The following FAM200B variants were observed in gnomAD, a reference collection of about 807,000 sequenced individuals.
FAM200B encodes the protein zinc finger BED-type containing 11.
A neutral mutation model predicts 33.1 loss-of-function variants in FAM200B; 32 were observed. The ratio of observed to expected loss-of-function variants is 0.97; its 90% CI spans 0.73 to 1.30. The LOEUF (loss-of-function observed/expected upper bound fraction) is 1.30, where lower values mean the gene tolerates loss of function less well. Ranked by LOEUF, FAM200B falls within the 50% of genes most tolerant of loss-of-function variation. The probability of loss-of-function intolerance (pLI) is 0.00; values close to 1 mark genes in which losing one functional copy is unlikely to be tolerated. For missense variants in FAM200B, 741 were observed against 754.0 expected, an observed-to-expected ratio of 0.98 and a Z score of 0.20; for synonymous variants, 240 against 264.8, an observed-to-expected ratio of 0.91 and a Z score of 0.91.
chr4:15,680,621 A>T (rs1560256879), upstream of FAM200B, among the ~76,000 whole-genome samples: 1 of 152,136 alleles, frequency 6.6e-6, no homozygotes, highest in Admixed American at 6.5e-5. Context: ...GGTTGCAGTG[A>T]GCCGAGGCTG....
At chr4:15,641,708 G>A in the FAM200B span, 5 of 433,082 alleles carry the variant, frequency 1.2e-5, no homozygotes, top group South Asian at 8.3e-5. Flanking sequence ...TAATCCCCAT[G>A]TTGTTCAAGG....
chr4:15,683,983 C>T (rs555758396), intron 1 of FAM200B, among the ~76,000 whole-genome samples: 6 of 152,256 alleles, frequency 3.9e-5, no homozygotes, highest in Non-Finnish European at 5.9e-5. Flanking sequence ...ATCATATAAC[C>T]GTGTTAATGC....
chr4:15,638,586 T>C, the FAM200B span: 5 of 1,613,478 alleles, frequency 3.1e-6, no homozygotes, highest in African/African-American at 1.3e-5. Flanking sequence ...CTAAGACCTC[T>C]AAGGAGTTCT....
intron 1 of FAM200B, chr4:15,682,170 C>G (rs1718358017): frequency 6.6e-6 from 1 of 152,270 alleles, no homozygotes; most frequent in African/African-American, 2.4e-5. Context: ...ATGTTTTAAT[C>G]TAGCTAAAGC....
At chr4:15,645,101 A>C in the FAM200B span, among the ~76,000 whole-genome samples, 1 of 152,138 alleles carries the variant, frequency 6.6e-6, no homozygotes, top group Non-Finnish European at 1.5e-5. Context: ...GGGTAGATGA[A>C]AGGGGAAAAG....
At position 15,688,278 on chromosome 4, in the gene FAM200B, A is replaced by G; in HGVS notation, c.1301A>G (p.Asp434Gly). The change falls in exon 2 of 2, where the codon GAT (aspartate) becomes GGT (glycine). Residue 434 changes from aspartate to glycine, a missense_variant. Coordinates refer to ENST00000422728, the MANE Select transcript of FAM200B (RefSeq NM_001145191.2). ...GTAACAAAATTGGCATATTTAACTG[A>G]TATTTTTAGCATTCTTAATGAACTG... ...TWVTKLAYLTDIFSILNELSL... is the reference protein window; with the variant it reads ...TWVTKLAYLTGIFSILNELSL... 3.9e-6 allele frequency: 6 copies of G among 1,548,564 alleles called. No individual in the cohort carries two copies. The highest frequency in any genetic ancestry group is 5.2e-6 in the Non-Finnish European group (6 of 1,144,358).
At chr4:15,650,460 C>T in the FAM200B span, among the ~76,000 whole-genome samples, 2 of 152,176 alleles carry the variant, frequency 1.3e-5, no homozygotes, top group South Asian at 4.1e-4. Flanking sequence ...AGATTTATGA[C>T]CTACTACTAA....
chr4:15,639,120 C>T, the FAM200B span, among the ~76,000 whole-genome samples: 2 of 152,174 alleles, frequency 1.3e-5, no homozygotes, highest in African/African-American at 2.4e-5. Flanking sequence ...GCCGATATTG[C>T]GCCATTGCAC....
the FAM200B span, among the ~76,000 whole-genome samples, chr4:15,664,795 G>GT: frequency 6.6e-6 from 1 of 151,924 alleles, no homozygotes; most frequent in African/African-American, 2.4e-5. Flanking sequence ...CTGACCTCAG[G>GT]TGATCTGCCC....
chr4:15,690,046 C>T lies in FAM200B; in HGVS notation c.*1095C>T, dbSNP rs959197660. The T allele has an allele frequency of 6.0e-6, 1 of 166,970 alleles. No homozygotes were observed. Among genetic ancestry groups the T allele is most frequent in the Non-Finnish European group, 1.5e-5 (1 of 68,096 alleles). 10.3% of individuals were successfully genotyped at this position (166,970 alleles called of 1,614,324 possible). A position where few individuals can be genotyped will look rare whatever the true frequency, so the allele number is the denominator to read the frequency against. Reference sequence around the variant, plus strand: ...TAAAGAATAAATGAATCAATAATACCTAACATCTCTAATTTGCAGTCATTC... The same window carrying T: ...TAAAGAATAAATGAATCAATAATACTTAACATCTCTAATTTGCAGTCATTC... On this transcript the variant is annotated 3_prime_UTR_variant, in exon 2 of 2. Transcript: ENST00000422728.
At chr4:15,637,250 C>T in the FAM200B span, among the ~76,000 whole-genome samples, 1 of 152,146 alleles carries the variant, frequency 6.6e-6, no homozygotes, top group African/African-American at 2.4e-5. Flanking sequence ...GCAGGTGAGA[C>T]GACAAAATGT....
the FAM200B span, among the ~76,000 whole-genome samples, chr4:15,676,099 G>C: frequency 6.6e-6 from 1 of 152,144 alleles, no homozygotes; most frequent in Non-Finnish European, 1.5e-5. Flanking sequence ...CCAGAAAGGA[G>C]GTTAGAGGAG....
the FAM200B span, among the ~76,000 whole-genome samples, chr4:15,643,012 A>C: frequency 6.6e-6 from 1 of 151,984 alleles, no homozygotes; most frequent in Non-Finnish European, 1.5e-5. Flanking sequence ...CTTTATTTCT[A>C]CTAGTCATGA....
the FAM200B span, among the ~76,000 whole-genome samples, chr4:15,673,720 C>A: frequency 6.6e-6 from 1 of 152,206 alleles, no homozygotes; most frequent in African/African-American, 2.4e-5. Context: ...AGGAGAGATT[C>A]ATTCCAGATC....
At chr4:15,680,382 T>C (rs1199395532), upstream of FAM200B, among the ~76,000 whole-genome samples, 1 of 152,058 alleles carries the variant, frequency 6.6e-6, no homozygotes, top group African/African-American at 2.4e-5. Context: ...AAAAATCCAG[T>C]GGGAGAGGCT....
upstream of FAM200B, among the ~76,000 whole-genome samples, chr4:15,680,788 T>G (rs1202469901): frequency 1.3e-5 from 2 of 151,904 alleles, no homozygotes; most frequent in Admixed American, 6.6e-5. Context: ...AAAGTCGCAT[T>G]AAGTTTCAGA....
At chr4:15,682,040 C>G (rs1718342852) in intron 1 of FAM200B, 139 bp downstream of exon 1, 1 of 152,296 alleles carries the variant, frequency 6.6e-6, no homozygotes, top group African/African-American at 2.4e-5. Flanking sequence ...AGAAGCAATC[C>G]GGGCCTGAAG....
At position 15,687,515 on chromosome 4, in the gene FAM200B, C is replaced by T. The variant is rs141207646; in HGVS notation, c.538C>T (p.Arg180Cys). The T allele has an allele frequency of 4.3e-4, 667 of 1,550,688 alleles. 7 individuals carry two copies. The East Asian group carries it at 8.1e-3, about 19-fold the overall frequency. ...IILPACLDMV[R>C]TIFDDKSADK... is the part of the protein sequence containing the mutation. The stretch of plus-strand genomic sequence containing the variant: ...TCTTCCAGCATGTTTGGATATGGTG[C>T]GTACAATATTTGATGATAAATCAGC... The change falls in exon 2 of 2, where the codon CGT (arginine) becomes TGT (cysteine). Residue 180 changes from arginine (R) to cysteine (C), a missense_variant. Arg to Cys is a radical substitution (Grantham distance 180). Coordinates refer to ENST00000422728, the MANE Select transcript of FAM200B (RefSeq NM_001145191.2).
the FAM200B span, among the ~76,000 whole-genome samples, chr4:15,637,085 C>T: frequency 1.3e-5 from 2 of 152,190 alleles, no homozygotes; most frequent in African/African-American, 4.8e-5. Context: ...TAATGACACA[C>T]ACAAATCTCA....
Sources: gnomAD v4.1 joint callset for allele counts (sites outside exome capture counted in the v4.1 genomes callset) on GRCh38, gnomAD v4.1.1 for gene constraint, MANE v1.5 for transcripts, NCBI Gene and HGNC (gene_info 2026-07-23, HGNC 2026-07-21) for gene names.